GALNT18: variants seen among roughly 807,000 people sequenced by gnomAD.
GALNT18 encodes GalNAc-transferase 18.
Under a neutral mutation model 69.5 loss-of-function variants are expected in GALNT18, and 44 were observed. That is an observed-to-expected ratio of 0.63 (90% CI 0.50 to 0.81). The LOEUF is 0.81. Among genes scored for constraint, GALNT18 ranks in the 40% least tolerant of loss-of-function variants. The probability of loss-of-function intolerance (pLI) is 0.00; values close to 1 mark genes in which losing one functional copy is unlikely to be tolerated. For missense variants in GALNT18, 715 were observed against 810.0 expected (o/e 0.88, Z 1.42); for synonymous variants, 364 against 318.2 (o/e 1.14, Z -1.53).
At chr11:11,474,887 A>T (rs1368206317) in intron 1 of GALNT18, among the ~76,000 whole-genome samples, 4 of 152,238 alleles carry the variant, frequency 2.6e-5, no homozygotes, top group African/African-American at 9.6e-5. Flanking sequence ...CATGAGAGAC[A>T]GTGTTGACTC....
At chr11:11,408,303 T>C (rs1589977007) in intron 3 of GALNT18, among the ~76,000 whole-genome samples, 1 of 137,722 alleles carries the variant, frequency 7.3e-6, no homozygotes, top group East Asian at 2.1e-4. Flanking sequence ...AGGCAGAGGC[T>C]GCAGTGAGCC....
At chr11:11,508,891 G>A (rs186202216) in intron 1 of GALNT18, among the ~76,000 whole-genome samples, 3 of 152,282 alleles carry the variant, frequency 2.0e-5, no homozygotes, top group Admixed American at 2.0e-4. Context: ...TCCTGAATGT[G>A]GAAATTGGTT....
chr11:11,358,318 G>A (rs1008361291), intron 6 of GALNT18, among the ~76,000 whole-genome samples: 1 of 140,270 alleles, frequency 7.1e-6, no homozygotes, highest in Non-Finnish European at 1.6e-5. Flanking sequence ...AATAATGCAA[G>A]CTTTTTGGTT....
At chr11:11,274,890 T>G (rs1209359365) in intron 10 of GALNT18, among the ~76,000 whole-genome samples, 1 of 152,272 alleles carries the variant, frequency 6.6e-6, no homozygotes, top group Non-Finnish European at 1.5e-5. Flanking sequence ...TCATTTTTTA[T>G]GGCTGCATAG....
chr11:11,355,929 G>A lies in GALNT18; in HGVS notation c.1093-14925C>T, dbSNP rs531679212. The stretch of plus-strand genomic sequence containing the variant: ...TGTTCCTGGGCCATTTACACCAGGG[G>A]TTAACTCTTTATTTTCAGGACTGAC... On this transcript the variant is annotated intron_variant, in intron 6 of 10. Transcript: ENST00000227756. Among the ~76,000 whole-genome samples the A allele has an allele frequency of 1.3e-5, 2 of 152,326 alleles. 1 individual carries two copies. The highest frequency in any genetic ancestry group is 2.9e-5 in the Non-Finnish European group (2 of 68,036).
chr11:11,420,758 T>G (rs561646635), intron 3 of GALNT18, among the ~76,000 whole-genome samples: 1 of 152,236 alleles, frequency 6.6e-6, no homozygotes, highest in African/African-American at 2.4e-5. Context: ...TAAGTAATGT[T>G]CCCTGGCCCT....
chr11:11,417,713 C>G (rs1854899312), intron 3 of GALNT18, among the ~76,000 whole-genome samples: 1 of 152,174 alleles, frequency 6.6e-6, no homozygotes, highest in Admixed American at 6.5e-5. Flanking sequence ...ACTGTCTAGC[C>G]TTGTTAGGCA....
At chr11:11,455,443 A>T (rs574891781) in intron 1 of GALNT18, among the ~76,000 whole-genome samples, 2 of 152,262 alleles carry the variant, frequency 1.3e-5, no homozygotes, top group Admixed American at 1.3e-4. Flanking sequence ...AAGGCTTCCT[A>T]AAGGAAAAGA....
chr11:11,365,476 T>C (rs1282202475), intron 6 of GALNT18, among the ~76,000 whole-genome samples: 1 of 152,236 alleles, frequency 6.6e-6, no homozygotes, highest in Non-Finnish European at 1.5e-5. Context: ...TGAGTCTTTA[T>C]AGTAGAAAGA....
At position 11,582,709 on chromosome 11, in the gene GALNT18, G is replaced by A. The variant is rs1178250743; in HGVS notation, c.235+38650C>T. On this transcript the variant is annotated intron_variant, in intron 1 of 10. Transcript: ENST00000227756. This position sits in a 1 kb window ranked among gnomAD's most constrained non-coding sequence, Gnocchi z 5.0. ...GATGTTGCTCCAGCATAACCCAGTG[G>A]AAACTAACCAACACAGCCTTTCAGC... is the stretch of plus-strand genomic sequence containing the variant. 6.6e-6 allele frequency among the ~76,000 whole-genome samples: 1 copy of A among 152,214 alleles called. No individual in the cohort carries two copies. The highest frequency in any genetic ancestry group is 2.4e-5 in the African/African-American group (1 of 41,456).
At chr11:11,398,386 C>T (rs1036575112) in intron 3 of GALNT18, among the ~76,000 whole-genome samples, 1 of 152,210 alleles carries the variant, frequency 6.6e-6, no homozygotes, top group Non-Finnish European at 1.5e-5. Context: ...GGCTGTGAGG[C>T]AGCAAGCACT....
intron 1 of GALNT18, among the ~76,000 whole-genome samples, chr11:11,456,963 G>A (rs1376643742): frequency 6.6e-6 from 1 of 152,194 alleles, no homozygotes; most frequent in Non-Finnish European, 1.5e-5. Context: ...AGTGGGGCAG[G>A]AAATAGCTTG....
In GALNT18 at chr11:11,463,387, G is replaced by T. The variant is rs1454555717; in HGVS notation, c.236-14451C>A. On this transcript the variant is annotated intron_variant, in intron 1 of 10. Coordinates refer to ENST00000227756, the MANE Select transcript of GALNT18 (RefSeq NM_198516.3). This position sits in a 1 kb window ranked among gnomAD's most constrained non-coding sequence, Gnocchi z 4.2. ...AAAGAACACTTACAAAAACAAACTT[G>T]TGAGAAGAAATATTATTCAGTTAAC... 1.3e-5 allele frequency among the ~76,000 whole-genome samples: 2 copies of T among 152,196 alleles called. No homozygotes were observed.
chr11:11,441,230 A>G (rs1855525956), intron 2 of GALNT18, among the ~76,000 whole-genome samples: 1 of 152,250 alleles, frequency 6.6e-6, no homozygotes. Flanking sequence ...CGAAATTAAT[A>G]TTAACCAGAA....
At chr11:11,271,437 C>T in intron 10 of GALNT18, 147 bp from the exon 11 acceptor site, 2 of 753,562 alleles carry the variant, frequency 2.7e-6, no homozygotes, top group Non-Finnish European at 4.4e-6. Flanking sequence ...ACTGCAGGCT[C>T]CCCTATCACT....
intron 1 of GALNT18, chr11:11,569,951 C>G (rs1858746885): frequency 6.6e-6 from 1 of 152,232 alleles, no homozygotes; most frequent in African/African-American, 2.4e-5. Context: ...TAAAGAGGGA[C>G]AGAAGCAGAG....
chr11:11,469,588 C>T lies in GALNT18; in HGVS notation c.236-20652G>A, dbSNP rs1856228681. On this transcript the variant is annotated intron_variant, in intron 1 of 10. Transcript: ENST00000227756. This position sits in a 1 kb window ranked among gnomAD's most constrained non-coding sequence, Gnocchi z 4.2. ...TTGTTTTCAGTTTGATCCATGAGGG[C>T]CATTTAGGGCTGCTCACATAGGCTG... Among the ~76,000 whole-genome samples, 1 of 152,170 alleles carries T rather than the reference C, an allele frequency of 6.6e-6. No individual in the cohort carries two copies. Among genetic ancestry groups the T allele is most frequent in the Non-Finnish European group, 1.5e-5 (1 of 68,046 alleles).
intron 3 of GALNT18, among the ~76,000 whole-genome samples, chr11:11,409,584 A>G (rs1254592294): frequency 6.6e-6 from 1 of 151,578 alleles, no homozygotes; most frequent in Non-Finnish European, 1.5e-5. Flanking sequence ...AACTCCCCGT[A>G]TCCTCTCTGC....
At chr11:11,504,102 TAC>T (rs1857024902) in intron 1 of GALNT18, among the ~76,000 whole-genome samples, 1 of 152,360 alleles carries the variant, frequency 6.6e-6, no homozygotes, top group South Asian at 2.1e-4. Flanking sequence ...GTTCTGCCTT[TAC>T]ACAGTTTTCT....
Sources: gnomAD v4.1 joint callset for allele counts (sites outside exome capture counted in the v4.1 genomes callset) on GRCh38, gnomAD v4.1.1 for gene constraint, Gnocchi (gnomAD v3.1) non-coding constraint, MANE v1.5 for transcripts, NCBI Gene and HGNC (gene_info 2026-07-23, HGNC 2026-07-21) for gene names.